The following SLC38A11 variants were observed in gnomAD, a reference collection of about 807,000 sequenced individuals.
SLC38A11 encodes putative sodium-coupled neutral amino acid transporter 11.
Under a neutral mutation model 49.4 loss-of-function variants are expected in SLC38A11, and 51 were observed. The ratio of observed to expected loss-of-function variants is 1.03; its 90% CI spans 0.83 to 1.30. The LOEUF is 1.30. Among genes scored for constraint, SLC38A11 ranks in the 50% most tolerant of loss-of-function variants. The pLI, the probability that SLC38A11 is intolerant of heterozygous loss-of-function variation, is 0.00. For synonymous variants in SLC38A11, 203 were observed against 192.9 expected, an observed-to-expected ratio of 1.05 and a Z score of -0.43; for missense variants, 574 against 556.2, an observed-to-expected ratio of 1.03 and a Z score of -0.32.
Position 164,941,194 on chromosome 2 carries a change from C to T in SLC38A11, c.431-1638G>A, listed in dbSNP as rs62175632. On this transcript the variant is annotated intron_variant, in intron 5 of 11. Coordinates refer to ENST00000685975, the MANE Select transcript of SLC38A11 (RefSeq NM_001351537.2). ...ATTTTAAATGTTTAAACAACAGTAA[C>T]GAAAGGTGAAAATTGAAATTTTTGA... Among the ~76,000 whole-genome samples the T allele has an allele frequency of 7.4e-3, 1,124 of 151,786 alleles. 8 individuals are homozygous for T. The highest frequency in any genetic ancestry group is 0.02 in the Middle Eastern group (6 of 294).
chr2:164,925,325 C>T (rs1378702899), intron 7 of SLC38A11, among the ~76,000 whole-genome samples: 3 of 152,050 alleles, frequency 2.0e-5, no homozygotes, highest in African/African-American at 7.2e-5. Flanking sequence ...TTATGGGTGT[C>T]GCTTTGGTTC....
chr2:164,912,908 T>A (rs1685499599), intron 9 of SLC38A11, among the ~76,000 whole-genome samples: 1 of 151,888 alleles, frequency 6.6e-6, no homozygotes, highest in Non-Finnish European at 1.5e-5. Flanking sequence ...AAAATAAAAA[T>A]ATAACAATGA....
At chr2:164,951,857 C>A (rs1041519359) in intron 3 of SLC38A11, among the ~76,000 whole-genome samples, 1 of 152,130 alleles carries the variant, frequency 6.6e-6, no homozygotes, top group Non-Finnish European at 1.5e-5. Context: ...GGCAAGGAGA[C>A]CCCCTGGAGG....
At position 164,911,686 on chromosome 2, in the gene SLC38A11, C is replaced by A; in HGVS notation, c.913G>T (p.Gly305Cys). The A allele has an allele frequency of 6.2e-7, 1 of 1,607,464 alleles. No individual in the cohort carries two copies. The highest frequency in any genetic ancestry group is 1.3e-5 in the African/African-American group (1 of 74,730). ...GGGTATGTCAAAATGACAGTGACAC[C>A]ATAACAAAATCTTCCAAATGTTACC... Reference protein sequence around the residue: ...DLVTFGRFCYGVTVILTYPME... With the variant: ...DLVTFGRFCYCVTVILTYPME... The change falls in exon 10 of 12, where the codon GGT becomes TGT. Residue 305 changes from glycine (G) to cysteine (C), a missense_variant. Gly to Cys is a radical substitution (Grantham distance 159). Coordinates refer to ENST00000685975, the MANE Select transcript of SLC38A11 (RefSeq NM_001351537.2).
At chr2:164,936,017 C>T (rs1162013596) in intron 7 of SLC38A11, among the ~76,000 whole-genome samples, 2 of 152,186 alleles carry the variant, frequency 1.3e-5, no homozygotes, top group Non-Finnish European at 2.9e-5. Flanking sequence ...CTCTGACTTC[C>T]AGCCTCCAGA....
intron 7 of SLC38A11, among the ~76,000 whole-genome samples, chr2:164,927,867 G>A (rs1267915029): frequency 6.6e-6 from 1 of 152,072 alleles, no homozygotes; most frequent in Non-Finnish European, 1.5e-5. Flanking sequence ...AAACTATAAG[G>A]ATCTGAGGTC....
Position 164,944,652 on chromosome 2 carries a change from A to G in SLC38A11, c.365-18T>C. ...TATCATTGCTAAAAACATAATTAAA[A>G]TAAGAGTCATCAATAAGCCATCTCA... On this transcript the variant is annotated intron_variant, in intron 4 of 11. Transcript: ENST00000685975. 9.4e-7 allele frequency: 1 copy of G among 1,063,684 alleles called. No homozygotes were observed. The highest frequency in any genetic ancestry group is 1.3e-6 in the Non-Finnish European group (1 of 793,964). 65.9% of individuals were successfully genotyped at this position (1,063,684 alleles called of 1,614,324 possible).
intron 9 of SLC38A11, among the ~76,000 whole-genome samples, chr2:164,913,791 C>A (rs541233308): frequency 1.3e-5 from 2 of 152,040 alleles, no homozygotes; most frequent in African/African-American, 4.8e-5. Flanking sequence ...GAACACAATT[C>A]TTATCAGAAG....
intron 5 of SLC38A11, among the ~76,000 whole-genome samples, chr2:164,941,322 C>T (rs1687751946): frequency 6.6e-6 from 1 of 152,004 alleles, no homozygotes; most frequent in Non-Finnish European, 1.5e-5. Flanking sequence ...GTTTTGGCTA[C>T]CAGAGAAAAG....
chr2:164,947,961 C>G (rs772946839), intron 3 of SLC38A11, among the ~76,000 whole-genome samples: 4 of 152,204 alleles, frequency 2.6e-5, no homozygotes, highest in Admixed American at 6.5e-5. Context: ...CTCCTTCCTA[C>G]CAAGACATTC....
intron 11 of SLC38A11, among the ~76,000 whole-genome samples, chr2:164,898,983 C>G (rs1196963308): frequency 1.3e-5 from 2 of 152,006 alleles, no homozygotes; most frequent in African/African-American, 2.4e-5. Context: ...AAAATATTAT[C>G]ACAAAATAAT....
intron 5 of SLC38A11, among the ~76,000 whole-genome samples, chr2:164,942,359 C>G: frequency 6.9e-6 from 1 of 144,586 alleles, no homozygotes; most frequent in East Asian, 2.1e-4. Flanking sequence ...CACCTGAGCC[C>G]GGGAGGTCAG....
At chr2:164,914,322 T>C (rs934864251) in intron 9 of SLC38A11, among the ~76,000 whole-genome samples, 1 of 151,952 alleles carries the variant, frequency 6.6e-6, no homozygotes, top group African/African-American at 2.4e-5. Flanking sequence ...GATGATTGAA[T>C]GTAAGGGTCA....
At chr2:164,924,898 C>T (rs1686459135) in intron 7 of SLC38A11, among the ~76,000 whole-genome samples, 1 of 150,032 alleles carries the variant, frequency 6.7e-6, no homozygotes, top group Non-Finnish European at 1.5e-5. Flanking sequence ...CCATGCCCGG[C>T]TAATTTTTTG....
intron 6 of SLC38A11, 87 bp from the exon 7 acceptor site, chr2:164,937,516 T>G: frequency 1.2e-6 from 1 of 861,364 alleles, no homozygotes; most frequent in Non-Finnish European, 1.9e-6. Context: ...TTTAATTGGG[T>G]AAACTTACAT....
chr2:164,898,386 G>A lies in SLC38A11; in HGVS notation c.*51C>T. On this transcript the variant is annotated 3_prime_UTR_variant, in exon 12 of 12. Transcript: ENST00000685975. ...AATACAGACTAAAGCAAGCGTAAAT[G>A]TTATGTGTTTTAAAGTCTATGAAAA... 1 of 1,312,430 alleles carries A rather than the reference G, an allele frequency of 7.6e-7. No individual in the cohort carries two copies. 81.3% of individuals were successfully genotyped at this position (1,312,430 alleles called of 1,614,324 possible). A position where few individuals can be genotyped will look rare whatever the true frequency, so the allele number is the denominator to read the frequency against.
intron 2 of SLC38A11, 73 bp downstream of exon 2, chr2:164,954,558 G>T: frequency 5.1e-6 from 3 of 587,150 alleles, no homozygotes; most frequent in South Asian, 3.9e-5. Context: ...AATAATTAAT[G>T]AACACTAGCA....
intron 10 of SLC38A11, among the ~76,000 whole-genome samples, chr2:164,910,220 C>G (rs1166533853): frequency 1.3e-5 from 2 of 152,046 alleles, no homozygotes; most frequent in Non-Finnish European, 2.9e-5. Context: ...ATCTTCCTGC[C>G]ACAGCAGCTA....
intron 7 of SLC38A11, among the ~76,000 whole-genome samples, chr2:164,926,497 G>A (rs1241726695): frequency 6.6e-6 from 1 of 152,068 alleles, no homozygotes; most frequent in East Asian, 1.9e-4. Context: ...AATCCCCAGT[G>A]AAACAATACT....
Sources: gnomAD v4.1 joint callset for allele counts (sites outside exome capture counted in the v4.1 genomes callset) on GRCh38, gnomAD v4.1.1 for gene constraint, MANE v1.5 for transcripts, NCBI Gene and HGNC (gene_info 2026-07-23, HGNC 2026-07-21) for gene names.